Variants in ATF2 observed in about 807,000 individuals in gnomAD.
The protein encoded by ATF2 is activating transcription factor 2, also known as cyclic AMP-dependent transcription factor ATF-2.
Under a neutral mutation model 60.6 loss-of-function variants are expected in ATF2, and 24 were observed. The ratio of observed to expected loss-of-function variants is 0.40; its 90% CI spans 0.29 to 0.56. The LOEUF is 0.56. ATF2 is among the 20% of genes least tolerant of loss of function. The pLI is 0.54. For synonymous variants in ATF2, 206 were observed against 215.4 expected (o/e 0.96, Z 0.38); for missense variants, 433 against 607.7 (o/e 0.71, Z 3.02).
At chr2:175,126,016 A>G (rs1453977209) in intron 4 of ATF2, among the ~76,000 whole-genome samples, 1 of 152,108 alleles carries the variant, frequency 6.6e-6, no homozygotes, top group Non-Finnish European at 1.5e-5. Context: ...CCTCCAAGAA[A>G]GAACTGTCCT....
chr2:175,074,495 TAAA>T lies in ATF2; in HGVS notation c.*111_*113del. The T allele has an allele frequency of 2.0e-6, 2 of 1,020,646 alleles. No individual in the cohort carries two copies. The highest frequency in any genetic ancestry group is 2.1e-5 in the South Asian group (1 of 48,530). 63.2% of individuals were successfully genotyped at this position (1,020,646 alleles called of 1,614,324 possible). On this transcript the variant is annotated 3_prime_UTR_variant, in exon 14 of 14. Transcript: ENST00000264110. The stretch of plus-strand genomic sequence containing the variant: ...CTTTAGAGCCAAATTTAATTTCAAG[TAAA>T]AAAAAAAAATTTACAACCACAGATT...
intron 1 of ATF2, among the ~76,000 whole-genome samples, chr2:175,164,069 T>A (rs938871536): frequency 6.7e-6 from 1 of 149,480 alleles, no homozygotes; most frequent in Non-Finnish European, 1.5e-5. Context: ...TGTGTAAAAA[T>A]AGGCCCGGGT....
In ATF2 at chr2:175,080,675, T is replaced by G. The variant is rs748557441; in HGVS notation, c.1276A>C (p.Lys426Gln). 2.5e-6 allele frequency: 4 copies of G among 1,612,730 alleles called. No homozygotes were observed. In the African/African-American group the frequency reaches 5.3e-5, roughly 22 times the overall value. Residue 426 changes from lysine to glutamine, a missense_variant, in exon 13 of 14, where the codon AAA (lysine) becomes CAA (glutamine). By Grantham distance (53) the Lys-to-Gln change is moderately conservative (BLOSUM62 1). This residue lies in a region of ATF2 where 114 missense variants were observed against 104.0 expected (regional missense o/e 1.10). Transcript: ENST00000264110. The stretch of plus-strand genomic sequence containing the variant: ...CATTACTCACTATGATAGCCAGATT[T>G]CTTCTGCATGGCGGTTACAGGGCAA... ...KDCPVTAMQKKSGYHTADKDD... is the reference protein window; with the variant it reads ...KDCPVTAMQKQSGYHTADKDD...
chr2:175,124,703 CCATT>C (rs113985325), intron 4 of ATF2, among the ~76,000 whole-genome samples: 6,053 of 151,788 alleles, frequency 0.04, 380 homozygotes, highest in African/African-American at 0.14. Flanking sequence ...ACATACATCT[CCATT>C]GTCACTTTAG....
intron 2 of ATF2, among the ~76,000 whole-genome samples, chr2:175,143,410 A>G (rs772471688): frequency 3.9e-5 from 6 of 152,164 alleles, no homozygotes; most frequent in Admixed American, 2.0e-4. Context: ...GCTATATAGT[A>G]CTCCATCATA....
intron 2 of ATF2, among the ~76,000 whole-genome samples, chr2:175,147,485 A>C (rs1699033466): frequency 6.6e-6 from 1 of 152,306 alleles, no homozygotes; most frequent in East Asian, 1.9e-4. Context: ...CAAACTCTTA[A>C]CCTTTTAAGC....
chr2:175,088,934 C>T (rs1694355645), intron 12 of ATF2, among the ~76,000 whole-genome samples: 2 of 152,114 alleles, frequency 1.3e-5, no homozygotes, highest in South Asian at 4.1e-4. Flanking sequence ...GTAATCCCAG[C>T]ACTTTGGGAA....
chr2:175,114,652 T>C lies in ATF2; in HGVS notation c.626+38A>G, dbSNP rs749467051. On this transcript the variant is annotated intron_variant, in intron 8 of 13. Transcript: ENST00000264110. ...AAAAATCATTACAAAACAAACTTAA[T>C]TCATGTATATGTTCAATGATTGGCC... is the stretch of plus-strand genomic sequence containing the variant. The C allele has an allele frequency of 2.5e-6, 4 of 1,583,802 alleles. No individual in the cohort carries two copies. In the East Asian group the frequency reaches 9.0e-5, roughly 36 times the overall value.
chr2:175,166,694 G>A (rs1192565432), intron 1 of ATF2, among the ~76,000 whole-genome samples: 1 of 152,140 alleles, frequency 6.6e-6, no homozygotes, highest in African/African-American at 2.4e-5. Flanking sequence ...AAAGCTATAT[G>A]GCTATTTAAA....
chr2:175,074,821 C>A lies in ATF2; in HGVS notation c.1306G>T (p.Asp436Tyr), dbSNP rs1693177541. The change falls in exon 14 of 14, where the codon GAT becomes TAT. Residue 436 changes from aspartate to tyrosine, a missense_variant. Asp to Tyr is a radical substitution (Grantham distance 160). This residue lies in a region of ATF2 where 114 missense variants were observed against 104.0 expected (regional missense o/e 1.10). Transcript: ENST00000264110. ...GGCACTGAAATGTCTTCTGAACTAT[C>A]ATCTTTATCAGCAGCTGGGTGGAAA... ...KSGYHTADKD[D>Y]SSEDISVPSS... is the part of the protein sequence containing the mutation. 2 of 1,613,440 alleles carry A rather than the reference C, an allele frequency of 1.2e-6. No individual in the cohort carries two copies. Among genetic ancestry groups the A allele is most frequent in the South Asian group, 1.1e-5 (1 of 91,086 alleles).
At position 175,117,223 on chromosome 2, in the gene ATF2, AGAAAAT is replaced by A. The variant is rs538174947; in HGVS notation, c.447+761_447+766del. On this transcript the variant is annotated intron_variant, in intron 7 of 13. Transcript: ENST00000264110. ...AGAATGTACTTTTAAAATGAGAAAAAGAAAATGAAGAAAAAAAAACAGAAAACAAAG... is the reference window on the plus strand; with the variant it reads ...AGAATGTACTTTTAAAATGAGAAAAAGAAGAAAAAAAAACAGAAAACAAAG... Among the ~76,000 whole-genome samples the A allele has an allele frequency of 5.8e-4, 86 of 147,572 alleles. 1 individual carries two copies. The South Asian group carries it at 5.9e-3, about 10-fold the overall frequency.
At chr2:175,114,966 T>TGCTCA in intron 7 of ATF2, 98 bp from the exon 8 acceptor site, 1 of 1,147,860 alleles carries the variant, frequency 8.7e-7, no homozygotes, top group Non-Finnish European at 1.2e-6. Context: ...ATCTACAGAA[T>TGCTCA]AATAACTGCT....
intron 12 of ATF2, among the ~76,000 whole-genome samples, chr2:175,081,967 A>C (rs1379083473): frequency 6.6e-6 from 1 of 152,176 alleles, no homozygotes; most frequent in Non-Finnish European, 1.5e-5. Context: ...CTGAGGCAGG[A>C]GAACTGCTTG....
chr2:175,077,610 A>C (rs1693429180), intron 13 of ATF2, among the ~76,000 whole-genome samples: 1 of 152,168 alleles, frequency 6.6e-6, no homozygotes, highest in Admixed American at 6.5e-5. Flanking sequence ...GTATAAGGAA[A>C]CGTAAATACA....
chr2:175,084,716 A>G lies in ATF2; in HGVS notation c.1186-3951T>C, dbSNP rs112181663. 2.6e-3 allele frequency among the ~76,000 whole-genome samples: 397 copies of G among 152,090 alleles called. 6 individuals are homozygous for G. Among genetic ancestry groups the G allele is most frequent in the African/African-American group, 9.3e-3 (387 of 41,502 alleles). ...TAGGTGCCTATTTCTGGGTTCCCACAGCCACATACTTTTGTGTGTATACAT... is the reference window on the plus strand; with the variant it reads ...TAGGTGCCTATTTCTGGGTTCCCACGGCCACATACTTTTGTGTGTATACAT... On this transcript the variant is annotated intron_variant, in intron 12 of 13. Transcript: ENST00000264110.
intron 2 of ATF2, among the ~76,000 whole-genome samples, chr2:175,149,308 C>A (rs1373078170): frequency 6.6e-6 from 1 of 152,132 alleles, no homozygotes. Flanking sequence ...GAAGACTATG[C>A]AACAGAGATC....
At chr2:175,118,434 C>T in intron 5 of ATF2, 65 bp from the exon 6 acceptor site, 1 of 1,325,944 alleles carries the variant, frequency 7.5e-7, no homozygotes, top group Non-Finnish European at 1.1e-6. Context: ...AATATAGCTA[C>T]TAAGTTAACA....
At chr2:175,104,858 G>A (rs993348709) in intron 10 of ATF2, among the ~76,000 whole-genome samples, 2 of 152,136 alleles carry the variant, frequency 1.3e-5, no homozygotes, top group Non-Finnish European at 1.5e-5. Context: ...GGAATAACAC[G>A]TTACCCTTGG....
rs1331764421 is a variant in ATF2 at position 175,105,919 on chromosome 2, G to C, written c.828+5649C>G. Reference sequence around the variant, plus strand: ...TCACAGGTCAAAGAAGAAATCACAGGAGAAATTAAAAAAGTAATGACAATA... The same window carrying C: ...TCACAGGTCAAAGAAGAAATCACAGCAGAAATTAAAAAAGTAATGACAATA... On this transcript the variant is annotated intron_variant, in intron 10 of 13. Coordinates refer to ENST00000264110, the MANE Select transcript of ATF2 (RefSeq NM_001880.4). Among the ~76,000 whole-genome samples the C allele has an allele frequency of 3.9e-5, 6 of 152,104 alleles. No individual in the cohort carries two copies. In the East Asian group the frequency reaches 1.2e-3, roughly 29 times the overall value.
Sources: gnomAD v4.1 joint callset for allele counts (sites outside exome capture counted in the v4.1 genomes callset) on GRCh38, gnomAD v4.1.1 for gene constraint, gnomAD v4.1.1 regional missense constraint, MANE v1.5 for transcripts, NCBI Gene and HGNC (gene_info 2026-07-23, HGNC 2026-07-21) for gene names.